The following PCSK5 variants were observed in gnomAD, a reference collection of about 807,000 sequenced individuals.
PCSK5 encodes prohormone convertase 5.
In PCSK5, 129 loss-of-function variants were observed where a neutral mutation model predicts 233.2. That is an observed-to-expected ratio of 0.55 (90% CI 0.48 to 0.64). The LOEUF (loss-of-function observed/expected upper bound fraction) is 0.64. Ranked by LOEUF, PCSK5 falls within the 30% of genes least tolerant of loss-of-function variation. The pLI is 0.00. For missense variants in PCSK5, 2,076 were observed against 2,430.1 expected (o/e 0.85, Z 3.06); for synonymous variants, 825 against 879.2 (o/e 0.94, Z 1.09).
At chr9:76,304,226 A>G (rs541149467) in intron 28 of PCSK5, among the ~76,000 whole-genome samples, 94 of 152,282 alleles carry the variant, frequency 6.2e-4, no homozygotes, top group African/African-American at 2.2e-3. Context: ...GAAAAAACCA[A>G]CTACCCAGCC....
intron 2 of PCSK5, among the ~76,000 whole-genome samples, chr9:75,985,542 A>C (rs1336388125): frequency 6.6e-6 from 1 of 152,136 alleles, no homozygotes; most frequent in Non-Finnish European, 1.5e-5. Context: ...TTGATCCCAG[A>C]ATGTTTTTAA....
chr9:76,021,831 G>A (rs996802875), intron 3 of PCSK5, among the ~76,000 whole-genome samples: 1 of 152,102 alleles, frequency 6.6e-6, no homozygotes, highest in African/African-American at 2.4e-5. Context: ...GCCGAGTTGT[G>A]GCCTACAACA....
chr9:76,248,017 C>T (rs1041948922), intron 24 of PCSK5, among the ~76,000 whole-genome samples: 1 of 152,188 alleles, frequency 6.6e-6, no homozygotes, highest in Admixed American at 6.5e-5. Context: ...AACTCCTGAC[C>T]TCGTGGTCCG....
At chr9:75,924,602 C>G (rs1481446523) in intron 1 of PCSK5, among the ~76,000 whole-genome samples, 1 of 152,064 alleles carries the variant, frequency 6.6e-6, no homozygotes, top group African/African-American at 2.4e-5. Flanking sequence ...TTCTTGCCCC[C>G]GCCCCCCACT....
chr9:76,235,249 G>A (rs1826214753), intron 22 of PCSK5, among the ~76,000 whole-genome samples: 1 of 152,014 alleles, frequency 6.6e-6, no homozygotes, highest in African/African-American at 2.4e-5. Flanking sequence ...TGTTACTGAC[G>A]AGAAGGTACT....
intron 5 of PCSK5, among the ~76,000 whole-genome samples, chr9:76,033,838 T>C (rs1286895513): frequency 2.0e-5 from 3 of 152,008 alleles, no homozygotes; most frequent in Non-Finnish European, 2.9e-5. Flanking sequence ...CTAATCCCAT[T>C]CACTAGGGCT....
At chr9:75,950,164 G>A (rs1824787585) in intron 2 of PCSK5, among the ~76,000 whole-genome samples, 1 of 141,518 alleles carries the variant, frequency 7.1e-6, no homozygotes, top group Non-Finnish European at 1.5e-5. Flanking sequence ...GGGGAGGGGG[G>A]AACTGCTACA....
chr9:75,992,580 CACACACACAT>C (rs56000801), intron 3 of PCSK5, among the ~76,000 whole-genome samples: 3,022 of 152,146 alleles, frequency 0.02, 39 homozygotes, highest in Middle Eastern at 0.027. Flanking sequence ...AATACACACA[CACACACACAT>C]ACACACACAT....
chr9:76,071,257 T>G (rs2077383436), intron 6 of PCSK5, among the ~76,000 whole-genome samples: 1 of 152,198 alleles, frequency 6.6e-6, no homozygotes, highest in Non-Finnish European at 1.5e-5. Flanking sequence ...AATCTTATGA[T>G]TAGGGGCTAA....
At chr9:75,903,764 C>T (rs1329216605) in intron 1 of PCSK5, among the ~76,000 whole-genome samples, 1 of 151,450 alleles carries the variant, frequency 6.6e-6, no homozygotes, top group Non-Finnish European at 1.5e-5. Context: ...CTTGTTTTCT[C>T]TGGTGGGAGA....
chr9:76,327,672 C>T (rs1310656014), intron 32 of PCSK5, among the ~76,000 whole-genome samples: 1 of 152,020 alleles, frequency 6.6e-6, no homozygotes, highest in East Asian at 1.9e-4. Context: ...GTGGAAAATT[C>T]GATGCCATTA....
intron 20 of PCSK5, among the ~76,000 whole-genome samples, chr9:76,215,784 A>G (rs934197639): frequency 1.3e-5 from 2 of 152,142 alleles, no homozygotes; most frequent in African/African-American, 4.8e-5. Flanking sequence ...TACCAAAAAT[A>G]CAAAAATTAG....
At chr9:76,252,632 C>T (rs564348071) in intron 24 of PCSK5, among the ~76,000 whole-genome samples, 2 of 152,318 alleles carry the variant, frequency 1.3e-5, no homozygotes, top group African/African-American at 4.8e-5. Flanking sequence ...TTTCGTTTAC[C>T]TCTACAAAGG....
intron 2 of PCSK5, among the ~76,000 whole-genome samples, chr9:75,963,072 T>C (rs1205280339): frequency 6.6e-6 from 1 of 152,234 alleles, no homozygotes; most frequent in East Asian, 1.9e-4. Flanking sequence ...GAATAAATTA[T>C]AGCTATTATT....
chr9:76,175,036 T>C lies in PCSK5; in HGVS notation c.1807T>C (p.Tyr603His). ...LVLYGTSVQP[Y>H]SPTNEFPKVE... ...CCTCTACGGCACCTCCGTGCAGCCA[T>C]ATTCACCAACCAATGAATTTCCGAA... Residue 603 changes from tyrosine to histidine, a missense_variant, in exon 14 of 38, where the codon TAT (tyrosine) becomes CAT (histidine). This residue lies in a region of PCSK5 where 84 missense variants were observed against 108.8 expected (regional missense o/e 0.77). Coordinates refer to ENST00000674117, the MANE Select transcript of PCSK5 (RefSeq NM_001372043.1). 1 of 1,614,034 alleles carries C rather than the reference T, an allele frequency of 6.2e-7. No individual in the cohort carries two copies. The highest frequency in any genetic ancestry group is 8.5e-7 in the Non-Finnish European group (1 of 1,179,918).
chr9:75,981,272 C>T (rs1047149091), intron 2 of PCSK5, among the ~76,000 whole-genome samples: 21 of 152,206 alleles, frequency 1.4e-4, no homozygotes, highest in African/African-American at 5.1e-4. Flanking sequence ...GATAAAATTT[C>T]AAAGCTGGAA....
rs373730652 is a variant in PCSK5, at chr9:76,085,186, T to A, written c.895-10704T>A. Among the ~76,000 whole-genome samples, 3 of 152,312 alleles carry A rather than the reference T, an allele frequency of 2.0e-5. No homozygotes were observed. In the South Asian group the frequency reaches 6.2e-4, roughly 32 times the overall value. On this transcript the variant is annotated intron_variant, in intron 7 of 37. Coordinates refer to ENST00000674117, the MANE Select transcript of PCSK5 (RefSeq NM_001372043.1). Reference sequence around the variant, plus strand: ...CAGCTCCTAGTCAACCGTAGCTGAATTGTGGTCACCAAAGTGAACACTACA... The same window carrying A: ...CAGCTCCTAGTCAACCGTAGCTGAAATGTGGTCACCAAAGTGAACACTACA...
chr9:76,057,625 C>T (rs1829867067), intron 5 of PCSK5, among the ~76,000 whole-genome samples: 1 of 151,992 alleles, frequency 6.6e-6, no homozygotes, highest in Non-Finnish European at 1.5e-5. Context: ...TTATAAGAAG[C>T]CCTTTATAAG....
chr9:76,232,533 T>A (rs1826125686), intron 21 of PCSK5, among the ~76,000 whole-genome samples: 1 of 152,156 alleles, frequency 6.6e-6, no homozygotes, highest in African/African-American at 2.4e-5. Context: ...ATGCCAGAAA[T>A]GAAAATTCTC....
Sources: gnomAD v4.1 joint callset for allele counts (sites outside exome capture counted in the v4.1 genomes callset) on GRCh38, gnomAD v4.1.1 for gene constraint, gnomAD v4.1.1 regional missense constraint, MANE v1.5 for transcripts, NCBI Gene and HGNC (gene_info 2026-07-23, HGNC 2026-07-21) for gene names.